PAX5: variants seen among roughly 807,000 people sequenced by gnomAD.
PAX5 encodes paired box 5.
A neutral mutation model predicts 43.7 loss-of-function variants in PAX5; 9 were observed. The ratio of observed to expected loss-of-function variants is 0.21; its 90% CI spans 0.12 to 0.36. The LOEUF (loss-of-function observed/expected upper bound fraction) is 0.36. PAX5 is among the 10% of genes least tolerant of loss of function. PAX5 has a pLI of 1.00. For synonymous variants in PAX5, 228 were observed against 214.3 expected, an observed-to-expected ratio of 1.06 and a Z score of -0.56; for missense variants, 383 against 532.7, an observed-to-expected ratio of 0.72 and a Z score of 2.77.
chr9:36,859,374 C>T (rs1304850871), intron 8 of PAX5, among the ~76,000 whole-genome samples: 1 of 152,164 alleles, frequency 6.6e-6, no homozygotes, highest in Non-Finnish European at 1.5e-5. Flanking sequence ...GAGTCAGGGT[C>T]AAGGAAGAAG....
chr9:36,860,685 T>G (rs1824131760), intron 8 of PAX5, among the ~76,000 whole-genome samples: 2 of 152,180 alleles, frequency 1.3e-5, no homozygotes, highest in South Asian at 4.1e-4. Flanking sequence ...TGGTGTCCAG[T>G]TCCCACGGCC....
chr9:37,007,094 G>C (rs982657902), intron 3 of PAX5, among the ~76,000 whole-genome samples: 1 of 152,192 alleles, frequency 6.6e-6, no homozygotes, highest in Non-Finnish European at 1.5e-5. Context: ...CTGATACTAG[G>C]GAGAGTCAAA....
At chr9:36,855,709 G>A (rs1357575841) in intron 8 of PAX5, among the ~76,000 whole-genome samples, 1 of 151,184 alleles carries the variant, frequency 6.6e-6, no homozygotes, top group African/African-American at 2.4e-5. Flanking sequence ...ACCTCCCACT[G>A]CCCACATCCT....
chr9:36,888,516 G>A (rs1321840976), intron 7 of PAX5, among the ~76,000 whole-genome samples: 2 of 152,178 alleles, frequency 1.3e-5, no homozygotes, highest in Non-Finnish European at 2.9e-5. Flanking sequence ...AAAGAAGCCA[G>A]TCACAAAAGA....
rs374621947 is a variant in PAX5, at chr9:36,889,626, C to G, written c.911-7521G>C. Among the ~76,000 whole-genome samples the G allele has an allele frequency of 7.2e-5, 11 of 152,346 alleles. No individual in the cohort carries two copies. In the East Asian group the frequency reaches 1.4e-3, roughly 19 times the overall value. On this transcript the variant is annotated intron_variant, in intron 7 of 9. Transcript: ENST00000358127. ...GCCTTCACAATCCCCCAGCATTGGG[C>G]ACCCATCCTTCTCCTGCTTCTAGAC... is the stretch of plus-strand genomic sequence containing the variant.
At chr9:36,864,679 G>C (rs991432745) in intron 8 of PAX5, among the ~76,000 whole-genome samples, 2 of 152,174 alleles carry the variant, frequency 1.3e-5, no homozygotes, top group Non-Finnish European at 2.9e-5. Context: ...TGCCTCCTCC[G>C]GCCTGGCCAG....
At chr9:37,016,092 G>A (rs1292160788) in intron 2 of PAX5, among the ~76,000 whole-genome samples, 3 of 152,216 alleles carry the variant, frequency 2.0e-5, no homozygotes, top group African/African-American at 7.2e-5. Context: ...ATAAAGCAGA[G>A]ATTCATCAAG....
chr9:36,855,300 TC>T (rs1442744563), intron 8 of PAX5, among the ~76,000 whole-genome samples: 1 of 152,236 alleles, frequency 6.6e-6, no homozygotes, highest in Non-Finnish European at 1.5e-5. Context: ...TCTATCTAGA[TC>T]TGTTGTACTT....
At chr9:36,968,712 G>T (rs1834667493) in intron 5 of PAX5, among the ~76,000 whole-genome samples, 1 of 152,176 alleles carries the variant, frequency 6.6e-6, no homozygotes, top group Admixed American at 6.5e-5. Flanking sequence ...CCTTCCACAA[G>T]ACAGGTGCCT....
intron 1 of PAX5, among the ~76,000 whole-genome samples, chr9:37,033,351 G>A (rs1190362856): frequency 6.6e-6 from 1 of 152,220 alleles, no homozygotes; most frequent in Non-Finnish European, 1.5e-5. Flanking sequence ...TGTGAACATT[G>A]GCGTGTATGC....
chr9:36,983,299 G>T (rs1047767190), intron 5 of PAX5, among the ~76,000 whole-genome samples: 3 of 152,182 alleles, frequency 2.0e-5, no homozygotes, highest in Non-Finnish European at 4.4e-5. Flanking sequence ...CACCGCCAGA[G>T]ATATTTATAT....
At chr9:36,978,549 T>C (rs1055739576) in intron 5 of PAX5, among the ~76,000 whole-genome samples, 4 of 152,218 alleles carry the variant, frequency 2.6e-5, no homozygotes, top group Non-Finnish European at 5.9e-5. Flanking sequence ...TCATATTTAC[T>C]CTGATATCTT....
At chr9:36,978,971 A>G (rs1835685644) in intron 5 of PAX5, among the ~76,000 whole-genome samples, 1 of 152,176 alleles carries the variant, frequency 6.6e-6, no homozygotes, top group African/African-American at 2.4e-5. Flanking sequence ...ACAAGCAAAG[A>G]CTGGTGAAAT....
intron 4 of PAX5, 133 bp from the exon 5 acceptor site, chr9:37,002,909 C>T: frequency 1.7e-6 from 2 of 1,147,776 alleles, no homozygotes; most frequent in Non-Finnish European, 2.4e-6. Context: ...AGGACCCTCG[C>T]TCTGCGGAGG....
In PAX5 at chr9:36,883,506, A is replaced by AAT. The variant is rs201537952; in HGVS notation, c.911-1403_911-1402dup. 1.8e-3 allele frequency among the ~76,000 whole-genome samples: 267 copies of AAT among 152,002 alleles called. 1 individual carries two copies. The highest frequency in any genetic ancestry group is 3.1e-3 in the East Asian group (16 of 5,164). On this transcript the variant is annotated intron_variant, in intron 7 of 9. Coordinates refer to ENST00000358127, the MANE Select transcript of PAX5 (RefSeq NM_016734.3). ...TGGTGAAACTCTGTCTTTACTAAAAAATATATATATATAAATTAGCCAGGC... is the reference window on the plus strand; with the variant it reads ...TGGTGAAACTCTGTCTTTACTAAAAAATATATATATATATAAATTAGCCAGGC...
At chr9:36,994,400 G>T (rs1194326762) in intron 5 of PAX5, among the ~76,000 whole-genome samples, 2 of 152,194 alleles carry the variant, frequency 1.3e-5, no homozygotes, top group Non-Finnish European at 2.9e-5. Flanking sequence ...ACCTGCCAAG[G>T]AGTGTGGCTG....
chr9:37,021,227 A>G (rs911259091), intron 1 of PAX5, among the ~76,000 whole-genome samples: 1 of 152,220 alleles, frequency 6.6e-6, no homozygotes, highest in Admixed American at 6.5e-5. Context: ...CTTTTAACAA[A>G]TGTCTTTAAA....
chr9:36,947,458 A>C (rs1832628643), intron 6 of PAX5, among the ~76,000 whole-genome samples: 1 of 152,036 alleles, frequency 6.6e-6, no homozygotes, highest in Non-Finnish European at 1.5e-5. Context: ...GTCCAGTGGC[A>C]TGATCATGGC....
intron 1 of PAX5, among the ~76,000 whole-genome samples, chr9:37,025,424 G>T (rs1050641466): frequency 1.3e-5 from 2 of 152,090 alleles, no homozygotes; most frequent in Non-Finnish European, 2.9e-5. Context: ...TGTTGGGATG[G>T]GGGGGAGCGG....
Sources: gnomAD v4.1 joint callset for allele counts (sites outside exome capture counted in the v4.1 genomes callset) on GRCh38, gnomAD v4.1.1 for gene constraint, MANE v1.5 for transcripts, NCBI Gene and HGNC (gene_info 2026-07-23, HGNC 2026-07-21) for gene names.